The following LCORL variants were observed in gnomAD, a reference collection of about 807,000 sequenced individuals.
LCORL encodes ligand-dependent nuclear receptor corepressor-like protein.
Under a neutral mutation model 141.8 loss-of-function variants are expected in LCORL, and 41 were observed. That is an observed-to-expected ratio of 0.29 (90% CI 0.23 to 0.38). LCORL has a LOEUF of 0.38. Among genes scored for constraint, LCORL ranks in the 10% least tolerant of loss-of-function variants. The probability of loss-of-function intolerance (pLI) is 1.00; values close to 1 mark genes in which losing one functional copy is unlikely to be tolerated. For missense variants in LCORL, 1,759 were observed against 2,035.0 expected (o/e 0.86, Z 2.61); for synonymous variants, 618 against 694.1 (o/e 0.89, Z 1.72).
chr4:17,990,398 CA>C (rs1277342173), intron 1 of LCORL, among the ~76,000 whole-genome samples: 1 of 150,908 alleles, frequency 6.6e-6, no homozygotes, highest in Non-Finnish European at 1.5e-5. Context: ...CACGCCTGGC[CA>C]AAAACTCTCT....
At chr4:17,862,476 C>A (rs953019689) in intron 7 of LCORL, among the ~76,000 whole-genome samples, 2 of 152,132 alleles carry the variant, frequency 1.3e-5, no homozygotes, top group African/African-American at 4.8e-5. Flanking sequence ...AAAGCCAAAC[C>A]ATATCAGCTA....
chr4:17,996,335 A>C (rs1720920310), intron 1 of LCORL, among the ~76,000 whole-genome samples: 1 of 152,258 alleles, frequency 6.6e-6, no homozygotes, highest in Admixed American at 6.5e-5. Flanking sequence ...ATGAAAGGAC[A>C]AAATCTGGGG....
chr4:17,971,681 C>T (rs958427534), intron 2 of LCORL, among the ~76,000 whole-genome samples: 1 of 151,460 alleles, frequency 6.6e-6, no homozygotes, highest in South Asian at 2.1e-4. Context: ...ACAAAAAATC[C>T]TTTTCCCAAC....
At chr4:17,877,128 G>A in exon 7 of LCORL, 1 of 1,230,748 alleles carries the variant, frequency 8.1e-7, no homozygotes, top group Non-Finnish European at 1.0e-6. Flanking sequence ...TCTAAACATG[G>A]GTGAATCAGA....
At chr4:17,943,595 GCTTA>G (rs754705111) in intron 4 of LCORL, among the ~76,000 whole-genome samples, 11 of 152,266 alleles carry the variant, frequency 7.2e-5, no homozygotes, top group Non-Finnish European at 1.2e-4. Context: ...TTTCACTTTG[GCTTA>G]CTATTTCACC....
At chr4:17,866,540 A>G in intron 7 of LCORL, among the ~76,000 whole-genome samples, 1 of 152,190 alleles carries the variant, frequency 6.6e-6, no homozygotes, top group East Asian at 1.9e-4. Flanking sequence ...CTATGTTTGC[A>G]TAACACAGAA....
intron 7 of LCORL, among the ~76,000 whole-genome samples, chr4:17,859,978 T>C (rs954014556): frequency 6.6e-6 from 1 of 152,088 alleles, no homozygotes; most frequent in East Asian, 1.9e-4. Context: ...ACATCAGAGA[T>C]GACACAAACA....
At chr4:17,965,486 CA>C (rs1469689171) in intron 2 of LCORL, among the ~76,000 whole-genome samples, 1 of 152,032 alleles carries the variant, frequency 6.6e-6, no homozygotes. Context: ...TGCATAAACT[CA>C]AAAGAGGTTA....
chr4:17,962,254 T>C (rs1266133960), intron 3 of LCORL, among the ~76,000 whole-genome samples: 3 of 140,668 alleles, frequency 2.1e-5, no homozygotes, highest in African/African-American at 7.9e-5. Context: ...AAAACTACAG[T>C]CAAAAAAAAA....
chr4:17,946,944 G>C (rs1311299689), intron 4 of LCORL, among the ~76,000 whole-genome samples: 1 of 152,008 alleles, frequency 6.6e-6, no homozygotes, highest in African/African-American at 2.4e-5. Flanking sequence ...ATGGAAAACT[G>C]GATGGAAGTT....
chr4:17,880,770 A>G, intron 6 of LCORL: 3 of 953,016 alleles, frequency 3.1e-6, no homozygotes, highest in Non-Finnish European at 3.7e-6. Context: ...GATATATAAC[A>G]ACACAAAGTA....
intron 1 of LCORL, among the ~76,000 whole-genome samples, chr4:17,978,206 T>C (rs13102976): frequency 0.13 from 19,282 of 152,192 alleles, 1,364 homozygotes; most frequent in South Asian, 0.26. Context: ...ATGCCAGACA[T>C]TGTGAATTTT....
chr4:17,855,673 A>C (rs1480491958), intron 7 of LCORL, among the ~76,000 whole-genome samples: 1 of 152,184 alleles, frequency 6.6e-6, no homozygotes, highest in East Asian at 1.9e-4. Context: ...CTTGAGAAAA[A>C]TTGCTTGGGC....
intron 4 of LCORL, among the ~76,000 whole-genome samples, chr4:17,935,019 T>C (rs986390050): frequency 2.6e-5 from 4 of 152,134 alleles, no homozygotes; most frequent in African/African-American, 7.2e-5. Flanking sequence ...TGTAGTTTCA[T>C]AGAGAACAAA....
At chr4:17,944,242 A>T (rs1738463404) in intron 4 of LCORL, among the ~76,000 whole-genome samples, 1 of 152,170 alleles carries the variant, frequency 6.6e-6, no homozygotes, top group Non-Finnish European at 1.5e-5. Flanking sequence ...AAAATGTACA[A>T]TTAAATTATT....
chr4:17,892,817 G>A (rs1729315454), intron 5 of LCORL, among the ~76,000 whole-genome samples: 1 of 152,022 alleles, frequency 6.6e-6, no homozygotes, highest in Non-Finnish European at 1.5e-5. Context: ...GGCTTCAAAA[G>A]GTTTCAAGTC....
chr4:18,013,102 T>C (rs936161007), intron 1 of LCORL, among the ~76,000 whole-genome samples: 3 of 152,200 alleles, frequency 2.0e-5, no homozygotes, highest in Non-Finnish European at 2.9e-5. Flanking sequence ...CACTTCCCTG[T>C]TTCATGGTAC....
intron 1 of LCORL, among the ~76,000 whole-genome samples, chr4:18,017,654 T>C (rs1223800800): frequency 1.3e-5 from 2 of 152,142 alleles, no homozygotes; most frequent in African/African-American, 4.8e-5. Flanking sequence ...GGTCAAGAAA[T>C]AGTAAGGTTG....
chr4:17,848,681 G>A (rs1004500052), intron 7 of LCORL, among the ~76,000 whole-genome samples: 2 of 152,234 alleles, frequency 1.3e-5, no homozygotes, highest in African/African-American at 2.4e-5. Context: ...AGTGGGCGCA[G>A]GACAGCGGGT....
Sources: gnomAD v4.1 joint callset for allele counts (sites outside exome capture counted in the v4.1 genomes callset) on GRCh38, gnomAD v4.1.1 for gene constraint, MANE v1.5 for transcripts, NCBI Gene and HGNC (gene_info 2026-07-23, HGNC 2026-07-21) for gene names.